The following KCNIP4 variants were observed in gnomAD, a reference collection of about 807,000 sequenced individuals.
The protein encoded by KCNIP4 is potassium voltage-gated channel interacting protein 4.
In KCNIP4, 12 loss-of-function variants were observed where a neutral mutation model predicts 34.0. The ratio of observed to expected loss-of-function variants is 0.35; its 90% CI spans 0.23 to 0.57. KCNIP4 has a LOEUF of 0.57. Ranked by LOEUF, KCNIP4 falls within the 20% of genes least tolerant of loss-of-function variation. The probability of loss-of-function intolerance (pLI) is 0.83; values close to 1 mark genes in which losing one functional copy is unlikely to be tolerated. For synonymous variants in KCNIP4, 124 were observed against 102.2 expected (o/e 1.21, Z -1.29); for missense variants, 238 against 311.7 (o/e 0.76, Z 1.78).
At chr4:21,185,987 C>T (rs1372556669) in intron 1 of KCNIP4, among the ~76,000 whole-genome samples, 2 of 152,176 alleles carry the variant, frequency 1.3e-5, no homozygotes, top group Non-Finnish European at 2.9e-5. Context: ...GCTTGAAACA[C>T]AGACCTGCTC....
intron 1 of KCNIP4, among the ~76,000 whole-genome samples, chr4:21,138,876 A>G (rs1751717004): frequency 1.3e-5 from 2 of 152,168 alleles, no homozygotes; most frequent in South Asian, 4.1e-4. Context: ...AGGATGGGAA[A>G]GGCAAGACGG....
chr4:21,316,267 T>C (rs1391092472), intron 1 of KCNIP4: 2 of 152,216 alleles, frequency 1.3e-5, no homozygotes, highest in Non-Finnish European at 2.9e-5. Context: ...ATCTGATTTA[T>C]ATTTCTCTCC....
At chr4:21,697,266 G>T in intron 1 of KCNIP4, 1 of 1,332,224 alleles carries the variant, frequency 7.5e-7, no homozygotes, top group Non-Finnish European at 9.5e-7. Flanking sequence ...CAAAGAAATA[G>T]CCTTTCCTAT....
At chr4:21,334,388 T>C (rs1252964251) in intron 1 of KCNIP4, among the ~76,000 whole-genome samples, 2 of 152,086 alleles carry the variant, frequency 1.3e-5, no homozygotes, top group Non-Finnish European at 2.9e-5. Flanking sequence ...TATGATACTC[T>C]GGGTGTTGAG....
intron 1 of KCNIP4, among the ~76,000 whole-genome samples, chr4:21,241,921 T>C (rs1329023215): frequency 2.6e-5 from 4 of 151,994 alleles, no homozygotes; most frequent in African/African-American, 4.8e-5. Flanking sequence ...TCCCAGCACT[T>C]TGGGAGGCCA....
intron 1 of KCNIP4, among the ~76,000 whole-genome samples, chr4:21,516,660 C>G (rs911893346): frequency 6.6e-6 from 1 of 152,170 alleles, no homozygotes; most frequent in Non-Finnish European, 1.5e-5. Context: ...GTGCAGAACC[C>G]TGTGGAGTTG....
At chr4:21,004,131 G>A (rs1377431514) in intron 1 of KCNIP4, among the ~76,000 whole-genome samples, 1 of 152,120 alleles carries the variant, frequency 6.6e-6, no homozygotes, top group African/African-American at 2.4e-5. Flanking sequence ...TAAGGGGTGA[G>A]GAAAGGAGGA....
intron 1 of KCNIP4, among the ~76,000 whole-genome samples, chr4:21,223,520 T>C (rs956731802): frequency 6.6e-6 from 1 of 152,222 alleles, no homozygotes; most frequent in African/African-American, 2.4e-5. Context: ...ATTCTCTCTG[T>C]GCATCAGTTT....
chr4:21,400,220 C>T (rs1430914909), intron 1 of KCNIP4, among the ~76,000 whole-genome samples: 3 of 152,018 alleles, frequency 2.0e-5, no homozygotes, highest in Non-Finnish European at 2.9e-5. Context: ...TGCAGGGGAG[C>T]GTGGGTGAAA....
intron 1 of KCNIP4, among the ~76,000 whole-genome samples, chr4:21,744,603 A>G (rs1716650733): frequency 6.6e-6 from 1 of 152,148 alleles, no homozygotes; most frequent in Non-Finnish European, 1.5e-5. Flanking sequence ...CCCAGCAACT[A>G]AAGTGGTGAT....
At chr4:21,764,826 C>A (rs975972705) in intron 1 of KCNIP4, among the ~76,000 whole-genome samples, 4 of 152,098 alleles carry the variant, frequency 2.6e-5, no homozygotes, top group Non-Finnish European at 4.4e-5. Context: ...CCTCCTCCAA[C>A]CCCCAGACTA....
At chr4:21,303,769 A>G in intron 1 of KCNIP4, 9 of 1,530,654 alleles carry the variant, frequency 5.9e-6, no homozygotes, top group Non-Finnish European at 8.1e-6. Flanking sequence ...ATTGCAAAAC[A>G]GAGAATTTTT....
intron 3 of KCNIP4, among the ~76,000 whole-genome samples, chr4:20,847,917 G>A (rs1017163540): frequency 2.0e-5 from 3 of 152,052 alleles, no homozygotes; most frequent in African/African-American, 7.2e-5. Flanking sequence ...TGATCTTAAG[G>A]GCTTTGAGGT....
chr4:21,024,352 A>C (rs1048067774), intron 1 of KCNIP4, among the ~76,000 whole-genome samples: 1 of 152,196 alleles, frequency 6.6e-6, no homozygotes, highest in African/African-American at 2.4e-5. Context: ...TGAGGTTGAC[A>C]TGGGAGTCAG....
chr4:21,887,302 C>A (rs541704469), intron 1 of KCNIP4, among the ~76,000 whole-genome samples: 1 of 152,016 alleles, frequency 6.6e-6, no homozygotes, highest in Non-Finnish European at 1.5e-5. Flanking sequence ...GGACTCTCTC[C>A]CTGGTTTGCA....
intron 1 of KCNIP4, among the ~76,000 whole-genome samples, chr4:21,510,389 G>C (rs964869208): frequency 6.6e-6 from 1 of 151,956 alleles, no homozygotes; most frequent in Non-Finnish European, 1.5e-5. Context: ...TGGGGTGGGG[G>C]AAGAAAAGTC....
chr4:21,482,505 T>C (rs952098460), intron 1 of KCNIP4, among the ~76,000 whole-genome samples: 1 of 152,192 alleles, frequency 6.6e-6, no homozygotes, highest in Admixed American at 6.5e-5. Flanking sequence ...AGGGCAGGCC[T>C]GGTGGTGACA....
chr4:21,465,964 G>A (rs1341117221), intron 1 of KCNIP4, among the ~76,000 whole-genome samples: 1 of 152,128 alleles, frequency 6.6e-6, no homozygotes, highest in Non-Finnish European at 1.5e-5. Flanking sequence ...AAGTGAGGTG[G>A]AGTGCTTCCT....
At chr4:21,415,690 G>A (rs369418910) in intron 1 of KCNIP4, among the ~76,000 whole-genome samples, 36 of 152,010 alleles carry the variant, frequency 2.4e-4, no homozygotes, top group African/African-American at 8.4e-4. Context: ...TGACAGAGTG[G>A]GACTTTGTCT....
Sources: gnomAD v4.1 joint callset for allele counts (sites outside exome capture counted in the v4.1 genomes callset) on GRCh38, gnomAD v4.1.1 for gene constraint, MANE v1.5 for transcripts, NCBI Gene and HGNC (gene_info 2026-07-23, HGNC 2026-07-21) for gene names.